The following HGF variants were observed in gnomAD, a reference collection of about 807,000 sequenced individuals.
HGF encodes hepatocyte growth factor.
In HGF, 39 loss-of-function variants were observed where a neutral mutation model predicts 111.6. That is an observed-to-expected ratio of 0.35 (90% CI 0.27 to 0.46). The LOEUF is 0.46. Among genes scored for constraint, HGF ranks in the 20% least tolerant of loss-of-function variants. The pLI is 1.00. For missense variants in HGF, 735 were observed against 910.5 expected, an observed-to-expected ratio of 0.81 and a Z score of 2.48; for synonymous variants, 285 against 294.8, an observed-to-expected ratio of 0.97 and a Z score of 0.34.
In HGF at chr7:81,720,745, C is replaced by T. The variant is rs867372392; in HGVS notation, c.1271G>A (p.Arg424His). 8 of 1,571,450 alleles carry T rather than the reference C, an allele frequency of 5.1e-6. No individual in the cohort carries two copies. Among genetic ancestry groups the T allele is most frequent in the Non-Finnish European group, 6.1e-6 (7 of 1,141,278 alleles). Residue 424 changes from arginine (R) to histidine (H), a missense_variant and splice_region_variant, in exon 10 of 18, where the codon CGT (arginine) becomes CAT (histidine). Arg to His is a conservative substitution (Grantham distance 29, BLOSUM62 0). Transcript: ENST00000222390. ...TATTGAAAGGAAGAAATTTACACAC[C>T]GATGTAAGTCTTCCATGTTCTTGTC... is the stretch of plus-strand genomic sequence containing the variant. Reference protein sequence around the residue: ...MWDKNMEDLHRHIFWEPDASK... With the variant: ...MWDKNMEDLHHHIFWEPDASK...
chr7:81,745,544 C>T (rs536387078), intron 5 of HGF, among the ~76,000 whole-genome samples: 12 of 152,242 alleles, frequency 7.9e-5, no homozygotes, highest in African/African-American at 2.6e-4. Flanking sequence ...ACAGGAAATA[C>T]AAAGTTTAAT....
rs5745755 is a variant in HGF, at chr7:81,705,332, A to G, written c.2010+58T>C. 9 of 1,528,822 alleles carry G rather than the reference A, an allele frequency of 5.9e-6. No individual in the cohort carries two copies. In the Admixed American group the frequency reaches 1.0e-4, roughly 17 times the overall value. The allele number at this position is 1,528,822 out of a possible 1,614,324, so 94.7% of individuals were successfully genotyped here. On this transcript the variant is annotated intron_variant, in intron 17 of 17. Transcript: ENST00000222390. ...TTGAGAAAAATAAACAGAAAAAAAT[A>G]AACATGAAACACTAAGCTATGAATC... is the stretch of plus-strand genomic sequence containing the variant.
At chr7:81,704,142 G>A (rs1583911755) in intron 17 of HGF, among the ~76,000 whole-genome samples, 1 of 151,720 alleles carries the variant, frequency 6.6e-6, no homozygotes, top group Non-Finnish European at 1.5e-5. Flanking sequence ...TTTTTGAGAA[G>A]TGGCGGAATC....
intron 10 of HGF, among the ~76,000 whole-genome samples, chr7:81,719,596 G>T (rs2115862316): frequency 6.6e-6 from 1 of 152,202 alleles, no homozygotes; most frequent in African/African-American, 2.4e-5. Context: ...AAAAACTGTA[G>T]ATACAGTGGA....
chr7:81,768,762 T>A (rs1212519575), intron 1 of HGF, among the ~76,000 whole-genome samples: 1 of 152,172 alleles, frequency 6.6e-6, no homozygotes, highest in Non-Finnish European at 1.5e-5. Context: ...TCTTCAGAAA[T>A]CTTACCTAAA....
chr7:81,756,869 T>TC, intron 4 of HGF: 1 of 337,446 alleles, frequency 3.0e-6, no homozygotes, highest in Non-Finnish European at 5.5e-6. Flanking sequence ...AATCAACCTC[T>TC]CCCCCTGCAC....
At position 81,729,775 on chromosome 7, in the gene HGF, G is replaced by T. The variant is rs778286006; in HGVS notation, c.870C>A (p.Asp290Glu). The change falls in exon 8 of 18, where the codon GAC (aspartate) becomes GAA (glutamate). Residue 290 changes from aspartate to glutamate, a missense_variant. By Grantham distance (45) the Asp-to-Glu change is conservative. This residue lies in a region of HGF where 553 missense variants were observed against 685.6 expected (regional missense o/e 0.81). Transcript: ENST00000222390. The stretch of plus-strand genomic sequence containing the variant: ...GAACATCAGTGTCATTCATAGTATT[G>T]TCAGCTATTGGCAAAAAACAACAAC... The part of the protein sequence containing the change: ...WEYCAIKTCA[D>E]NTMNDTDVPL... The T allele has an allele frequency of 6.2e-7, 1 of 1,600,200 alleles. No homozygotes were observed. The highest frequency in any genetic ancestry group is 8.5e-7 in the Non-Finnish European group (1 of 1,177,434).
Position 81,699,897 on chromosome 7 carries a change from A to G in HGF, c.*2684T>C, listed in dbSNP as rs1310945322. The G allele has an allele frequency of 6.6e-6, 1 of 151,708 alleles. No homozygotes were observed. Among genetic ancestry groups the G allele is most frequent in the Non-Finnish European group, 1.5e-5 (1 of 67,748 alleles). The allele number at this position is 151,708 out of a possible 1,614,324, so 9.4% of individuals were successfully genotyped here. ...ATTGACTCAATAGATTTTACTGAGGACCTGCCCACAGCATATAGGTAAAAG... is the reference window on the plus strand; with the variant it reads ...ATTGACTCAATAGATTTTACTGAGGGCCTGCCCACAGCATATAGGTAAAAG... On this transcript the variant is annotated 3_prime_UTR_variant, in exon 18 of 18. Coordinates refer to ENST00000222390, the MANE Select transcript of HGF (RefSeq NM_000601.6).
chr7:81,719,718 T>C (rs566239255), intron 10 of HGF, among the ~76,000 whole-genome samples: 2 of 152,314 alleles, frequency 1.3e-5, no homozygotes, highest in East Asian at 3.9e-4. Flanking sequence ...CTGCATTGTC[T>C]TTATATTGGA....
chr7:81,739,461 T>C (rs1787934904), intron 7 of HGF, among the ~76,000 whole-genome samples: 1 of 152,168 alleles, frequency 6.6e-6, no homozygotes, highest in African/African-American at 2.4e-5. Flanking sequence ...TACACATATA[T>C]AGTGTATAGA....
At chr7:81,757,382 TGTAA>T (rs1461263564) in intron 3 of HGF, 79 bp from the exon 4 acceptor site, 8 of 752,158 alleles carry the variant, frequency 1.1e-5, no homozygotes, top group African/African-American at 1.7e-5. Flanking sequence ...CGTTCAAACC[TGTAA>T]GTAATTAACT....
chr7:81,719,393 G>A (rs971844602), intron 10 of HGF, among the ~76,000 whole-genome samples: 3 of 152,118 alleles, frequency 2.0e-5, no homozygotes, highest in Non-Finnish European at 4.4e-5. Context: ...ACAGAAGTCT[G>A]CTGCTCTTTG....
At position 81,758,547 on chromosome 7, in the gene HGF, C is replaced by G. The variant is rs1187114131; in HGVS notation, c.367+145G>C. The G allele has an allele frequency of 4.4e-5, 27 of 614,538 alleles. No individual in the cohort carries two copies. The Admixed American group carries it at 7.3e-4, about 17-fold the overall frequency. The allele number at this position is 614,538 out of a possible 1,614,324, so 38.1% of individuals were successfully genotyped here. A position where few individuals can be genotyped will look rare whatever the true frequency, so the allele number is the denominator to read the frequency against. The stretch of plus-strand genomic sequence containing the variant: ...AAAATAGTCAAGATACTAGTTTCAA[C>G]TGTCTTAATGGATGAATTGACTACA... On this transcript the variant is annotated intron_variant, in intron 3 of 17. Coordinates refer to ENST00000222390, the MANE Select transcript of HGF (RefSeq NM_000601.6).
At position 81,705,775 on chromosome 7, in the gene HGF, G is replaced by C. The variant is rs771961342; in HGVS notation, c.1758-22C>G. The C allele has an allele frequency of 4.4e-6, 6 of 1,376,782 alleles. No homozygotes were observed. In the East Asian group the frequency reaches 1.1e-4, roughly 26 times the overall value. 85.3% of individuals were successfully genotyped at this position (1,376,782 alleles called of 1,614,324 possible). A position where few individuals can be genotyped will look rare whatever the true frequency, so the allele number is the denominator to read the frequency against. The stretch of plus-strand genomic sequence containing the variant: ...AGGCCTGAAAACACAAAATACAATG[G>C]TAAGTACTCTCAACTGGATTCAACA... On this transcript the variant is annotated intron_variant, in intron 15 of 17. Coordinates refer to ENST00000222390, the MANE Select transcript of HGF (RefSeq NM_000601.6).
intron 3 of HGF, among the ~76,000 whole-genome samples, chr7:81,758,202 AT>A (rs1788876977): frequency 2.0e-5 from 3 of 152,052 alleles, no homozygotes; most frequent in East Asian, 1.9e-4. Context: ...TCCTTTAAAT[AT>A]TTTTTTCAAG....
At chr7:81,760,106 G>A (rs1348583390) in intron 2 of HGF, among the ~76,000 whole-genome samples, 2 of 152,144 alleles carry the variant, frequency 1.3e-5, no homozygotes, top group East Asian at 3.9e-4. Context: ...CATATAAAGT[G>A]GGTGGAAGCC....
At chr7:81,714,885 A>C (rs1234958939) in intron 11 of HGF, among the ~76,000 whole-genome samples, 1 of 152,100 alleles carries the variant, frequency 6.6e-6, no homozygotes, top group African/African-American at 2.4e-5. Flanking sequence ...AGTTAGAAAA[A>C]TGACACTGTA....
intron 1 of HGF, among the ~76,000 whole-genome samples, chr7:81,768,887 G>T (rs991340307): frequency 6.6e-6 from 1 of 152,196 alleles, no homozygotes; most frequent in African/African-American, 2.4e-5. Context: ...AAATTCTTGA[G>T]TTTTTTAACC....
intron 1 of HGF, 23 bp downstream of exon 1, chr7:81,769,861 T>C: frequency 1.3e-6 from 2 of 1,513,612 alleles, no homozygotes. Flanking sequence ...ATACTAATAA[T>C]GAAGAAGAAG....
Sources: gnomAD v4.1 joint callset for allele counts (sites outside exome capture counted in the v4.1 genomes callset) on GRCh38, gnomAD v4.1.1 for gene constraint, gnomAD v4.1.1 regional missense constraint, MANE v1.5 for transcripts, NCBI Gene and HGNC (gene_info 2026-07-23, HGNC 2026-07-21) for gene names.